COL25A1: variants seen among roughly 807,000 people sequenced by gnomAD.
COL25A1 encodes the protein collagen alpha-1(XXV) chain.
In COL25A1, 103 loss-of-function variants were observed where a neutral mutation model predicts 128.4. That is an observed-to-expected ratio of 0.80 (90% CI 0.68 to 0.94). The LOEUF (loss-of-function observed/expected upper bound fraction) is 0.94, where lower values mean the gene tolerates loss of function less well. Ranked by LOEUF, COL25A1 falls within the 40% of genes least tolerant of loss-of-function variation. COL25A1 has a pLI of 0.00. For missense variants in COL25A1, 745 were observed against 840.0 expected (o/e 0.89, Z 1.40); for synonymous variants, 279 against 277.2 (o/e 1.01, Z -0.06).
intron 8 of COL25A1, among the ~76,000 whole-genome samples, chr4:108,974,095 C>T (rs890315358): frequency 2.0e-5 from 3 of 152,176 alleles, no homozygotes; most frequent in Non-Finnish European, 4.4e-5. Context: ...GGAAAGGTGG[C>T]TGCTATTGAT....
At chr4:109,173,766 A>C (rs1034966479) in intron 3 of COL25A1, among the ~76,000 whole-genome samples, 2 of 152,196 alleles carry the variant, frequency 1.3e-5, no homozygotes. Context: ...TAATTCTTAT[A>C]TATTCAGTAC....
chr4:109,121,808 C>G (rs1310427336), intron 3 of COL25A1, among the ~76,000 whole-genome samples: 1 of 152,018 alleles, frequency 6.6e-6, no homozygotes, highest in East Asian at 1.9e-4. Flanking sequence ...TATATCCACA[C>G]AAAAATCTTC....
chr4:109,231,849 T>C (rs536267217), intron 3 of COL25A1, among the ~76,000 whole-genome samples: 8 of 152,330 alleles, frequency 5.3e-5, no homozygotes, highest in African/African-American at 1.9e-4. Flanking sequence ...GAATTTGTTT[T>C]TTTATGTGCA....
intron 3 of COL25A1, among the ~76,000 whole-genome samples, chr4:109,294,137 A>G (rs1724738900): frequency 6.6e-6 from 1 of 152,082 alleles, no homozygotes; most frequent in Non-Finnish European, 1.5e-5. Flanking sequence ...ACAGAAGTCA[A>G]AAGATAGAAG....
At chr4:109,292,858 C>T (rs779140923) in intron 3 of COL25A1, among the ~76,000 whole-genome samples, 1 of 152,040 alleles carries the variant, frequency 6.6e-6, no homozygotes, top group Non-Finnish European at 1.5e-5. Context: ...ACCTTGTGCC[C>T]TAATTCTTTC....
chr4:108,994,809 A>G lies in COL25A1; in HGVS notation c.438+15549T>C, dbSNP rs1447680481. ...TATTTGCTGTTCTGCAGCCTCCGCT[A>G]GTGATACCCAGGCAAACAGGGTCTG... On this transcript the variant is annotated intron_variant, in intron 6 of 37. Coordinates refer to ENST00000399132, the MANE Select transcript of COL25A1 (RefSeq NM_198721.4). Among the ~76,000 whole-genome samples the G allele has an allele frequency of 2.0e-5, 3 of 152,230 alleles. No individual in the cohort carries two copies. The East Asian group carries it at 5.8e-4, about 29-fold the overall frequency.
intron 3 of COL25A1, among the ~76,000 whole-genome samples, chr4:109,139,257 T>C (rs1560755368): frequency 6.6e-6 from 1 of 152,286 alleles, no homozygotes; most frequent in Non-Finnish European, 1.5e-5. Context: ...AATGCAAAAA[T>C]TTTCTTCCAT....
At chr4:109,132,841 T>C (rs568139635) in intron 3 of COL25A1, among the ~76,000 whole-genome samples, 1 of 152,242 alleles carries the variant, frequency 6.6e-6, no homozygotes, top group African/African-American at 2.4e-5. Context: ...GGAAATATGT[T>C]CTGCTTTGAT....
chr4:109,036,533 G>A (rs1759369366), intron 5 of COL25A1, among the ~76,000 whole-genome samples: 1 of 152,172 alleles, frequency 6.6e-6, no homozygotes, highest in African/African-American at 2.4e-5. Context: ...AGGGTTGGGT[G>A]GATGTGGAGA....
intron 3 of COL25A1, among the ~76,000 whole-genome samples, chr4:109,219,101 T>G (rs1205925312): frequency 6.6e-6 from 1 of 152,082 alleles, no homozygotes; most frequent in African/African-American, 2.4e-5. Flanking sequence ...CCTGGGAAGG[T>G]TGTCTATGAT....
At chr4:109,263,617 G>C (rs1245241929) in intron 3 of COL25A1, among the ~76,000 whole-genome samples, 1 of 152,124 alleles carries the variant, frequency 6.6e-6, no homozygotes, top group Non-Finnish European at 1.5e-5. Flanking sequence ...TGTTCGCTTG[G>C]AAATTGCTAG....
rs1270339366 is a variant in COL25A1, at chr4:109,127,959, TTGAGGCAGAGCAGGG to T, written c.368-77795_368-77781del. Among the ~76,000 whole-genome samples the T allele has an allele frequency of 7.3e-3, 1,113 of 152,256 alleles. 4 individuals are homozygous for T. The highest frequency in any genetic ancestry group is 0.026 in the African/African-American group (1,066 of 41,552). ...GAAATGACAGAGTTATTCTTTCCTATTGAGGCAGAGCAGGGACGCTCTTTTTAGGGCCCTGCAGTC... is the reference window on the plus strand; with the variant it reads ...GAAATGACAGAGTTATTCTTTCCTATACGCTCTTTTTAGGGCCCTGCAGTC... On this transcript the variant is annotated intron_variant, in intron 3 of 37. Transcript: ENST00000399132.
At chr4:108,926,957 C>A (rs1307446745) in intron 11 of COL25A1, among the ~76,000 whole-genome samples, 2 of 151,882 alleles carry the variant, frequency 1.3e-5, no homozygotes, top group African/African-American at 4.8e-5. Flanking sequence ...ATGTAAAAGC[C>A]AGTGATTTAG....
intron 3 of COL25A1, among the ~76,000 whole-genome samples, chr4:109,110,192 A>G (rs1766868431): frequency 6.6e-6 from 1 of 152,144 alleles, no homozygotes; most frequent in African/African-American, 2.4e-5. Context: ...CTCCTGAATC[A>G]CAAGGCTAGA....
intron 3 of COL25A1, among the ~76,000 whole-genome samples, chr4:109,295,200 A>T (rs1179040774): frequency 6.6e-6 from 1 of 152,134 alleles, no homozygotes; most frequent in African/African-American, 2.4e-5. Context: ...CTTCTTAAAA[A>T]CTTGTAGACA....
chr4:109,201,905 A>G (rs1451763626), intron 3 of COL25A1, among the ~76,000 whole-genome samples: 2 of 152,218 alleles, frequency 1.3e-5, no homozygotes, highest in Non-Finnish European at 2.9e-5. Flanking sequence ...TAAAAGAAAG[A>G]TACAAATCTA....
intron 5 of COL25A1, chr4:109,022,200 G>A (rs1210062284): frequency 4.4e-6 from 2 of 453,192 alleles, no homozygotes. Flanking sequence ...TGGCGGCCCA[G>A]CTGTAAAATT....
chr4:108,848,416 T>C (rs558008057), intron 27 of COL25A1, among the ~76,000 whole-genome samples: 294 of 152,334 alleles, frequency 1.9e-3, no homozygotes, highest in African/African-American at 6.6e-3. Context: ...GTGGAAACTA[T>C]GGTCACTGAT....
intron 8 of COL25A1, among the ~76,000 whole-genome samples, chr4:108,970,495 TA>T (rs1751795461): frequency 6.6e-6 from 1 of 152,240 alleles, no homozygotes; most frequent in Non-Finnish European, 1.5e-5. Context: ...TTGAAATATG[TA>T]TACATCATGC....
Sources: gnomAD v4.1 joint callset for allele counts (sites outside exome capture counted in the v4.1 genomes callset) on GRCh38, gnomAD v4.1.1 for gene constraint, MANE v1.5 for transcripts, NCBI Gene and HGNC (gene_info 2026-07-23, HGNC 2026-07-21) for gene names.